The following DTNB variants were observed in gnomAD, a reference collection of about 807,000 sequenced individuals.
DTNB encodes the protein DTN-B.
A neutral mutation model predicts 90.7 loss-of-function variants in DTNB; 63 were observed. That is an observed-to-expected ratio of 0.69 (90% CI 0.57 to 0.86). DTNB has a LOEUF of 0.86. Ranked by LOEUF, DTNB falls within the 40% of genes least tolerant of loss-of-function variation. The pLI is 0.00. For missense variants in DTNB, 744 were observed against 807.1 expected (o/e 0.92, Z 0.95); for synonymous variants, 277 against 286.7 (o/e 0.97, Z 0.34).
intron 5 of DTNB, among the ~76,000 whole-genome samples, chr2:25,602,258 G>A (rs1161909784): frequency 6.6e-6 from 1 of 152,118 alleles, no homozygotes; most frequent in South Asian, 2.1e-4. Context: ...CTGAGACAAG[G>A]CTCCAGACCT....
Position 25,556,170 on chromosome 2 carries a change from C to CTTTTTTTTTTTT in DTNB, c.876+20656_876+20667dup, listed in dbSNP as rs60714399. On this transcript the variant is annotated intron_variant, in intron 8 of 20. Transcript: ENST00000406818. The stretch of plus-strand genomic sequence containing the variant: ...ATGTTTTGGTGTTTTGGCCATCTCT[C>CTTTTTTTTTTTT]TTTTTTTTTTTTTTTTTTTTTGCCA... Among the ~76,000 whole-genome samples the CTTTTTTTTTTTT allele has an allele frequency of 1.6e-4, 17 of 105,556 alleles. 1 individual carries two copies. The highest frequency in any genetic ancestry group is 1.3e-3 in the East Asian group (4 of 3,170). 69.2% of individuals were successfully genotyped at this position (105,556 alleles called of 152,430 possible). A position where few individuals can be genotyped will look rare whatever the true frequency, so the allele number is the denominator to read the frequency against.
At chr2:25,478,260 G>C (rs914074518) in intron 10 of DTNB, among the ~76,000 whole-genome samples, 1 of 152,148 alleles carries the variant, frequency 6.6e-6, no homozygotes, top group South Asian at 2.1e-4. Context: ...CCCAGGCCTG[G>C]TCCAGATGAC....
chr2:25,609,754 T>C (rs2068095418), intron 4 of DTNB, among the ~76,000 whole-genome samples: 2 of 150,246 alleles, frequency 1.3e-5, no homozygotes, highest in African/African-American at 4.9e-5. Flanking sequence ...GAGATCCTAA[T>C]TATTTGGCCT....
chr2:25,647,808 T>C (rs2079848384), intron 2 of DTNB, among the ~76,000 whole-genome samples: 1 of 148,614 alleles, frequency 6.7e-6, no homozygotes, highest in African/African-American at 2.5e-5. Flanking sequence ...TTATGAAAAA[T>C]AGTAAATATC....
At chr2:25,652,745 C>T (rs762605624) in intron 1 of DTNB, 84 bp from the exon 2 acceptor site, 19 of 1,414,778 alleles carry the variant, frequency 1.3e-5, no homozygotes, top group Non-Finnish European at 1.6e-5. Flanking sequence ...GAAGAGGGAC[C>T]GGAAACCAAG....
chr2:25,660,386 G>A (rs925962609), intron 1 of DTNB, among the ~76,000 whole-genome samples: 5 of 152,162 alleles, frequency 3.3e-5, no homozygotes, highest in South Asian at 2.1e-4. Flanking sequence ...TAAATCCATA[G>A]CAACAGAAAA....
At chr2:25,573,010 G>A (rs1438858639) in intron 8 of DTNB, among the ~76,000 whole-genome samples, 5 of 151,702 alleles carry the variant, frequency 3.3e-5, no homozygotes, top group Non-Finnish European at 5.9e-5. Flanking sequence ...GCACGATCTC[G>A]GCTCACTGCA....
chr2:25,667,907 GTGCT>G (rs1228440586), intron 1 of DTNB, among the ~76,000 whole-genome samples: 1 of 152,144 alleles, frequency 6.6e-6, no homozygotes, highest in African/African-American at 2.4e-5. Flanking sequence ...ACAAACTGTG[GTGCT>G]TCCATAAAAA....
At chr2:25,649,083 C>T (rs868297064) in intron 2 of DTNB, among the ~76,000 whole-genome samples, 59 of 145,890 alleles carry the variant, frequency 4.0e-4, no homozygotes, top group African/African-American at 1.5e-3. Flanking sequence ...TGGCTCACTG[C>T]AAGCTCCGCC....
intron 12 of DTNB, among the ~76,000 whole-genome samples, chr2:25,448,204 A>G (rs1418290116): frequency 6.6e-6 from 1 of 152,168 alleles, no homozygotes; most frequent in Non-Finnish European, 1.5e-5. Flanking sequence ...TAGTGTGATT[A>G]TTTGTTTAAT....
chr2:25,482,524 C>A (rs2065175815), intron 10 of DTNB, among the ~76,000 whole-genome samples: 1 of 152,136 alleles, frequency 6.6e-6, no homozygotes, highest in South Asian at 2.1e-4. Context: ...CTAATCTGCT[C>A]TGACACTGCC....
chr2:25,552,586 T>C (rs952479014), intron 8 of DTNB, among the ~76,000 whole-genome samples: 2 of 152,240 alleles, frequency 1.3e-5, no homozygotes, highest in African/African-American at 4.8e-5. Flanking sequence ...GCCCTGGTTC[T>C]GGACTCAGGT....
At chr2:25,619,128 T>C (rs1395719189) in intron 4 of DTNB, among the ~76,000 whole-genome samples, 2 of 152,120 alleles carry the variant, frequency 1.3e-5, no homozygotes, top group Non-Finnish European at 2.9e-5. Context: ...TAGTAGGAGT[T>C]TGCTATTCAA....
intron 6 of DTNB, among the ~76,000 whole-genome samples, chr2:25,593,772 C>T (rs953052102): frequency 1.3e-5 from 2 of 152,196 alleles, no homozygotes; most frequent in African/African-American, 2.4e-5. Context: ...ACCAGATTCT[C>T]ATCGGAATAC....
At chr2:25,444,076 C>G (rs945449495) in intron 12 of DTNB, among the ~76,000 whole-genome samples, 5 of 151,934 alleles carry the variant, frequency 3.3e-5, no homozygotes, top group Non-Finnish European at 7.4e-5. Context: ...ACCTTTCTTC[C>G]AAGTTTTCCA....
intron 8 of DTNB, chr2:25,558,196 C>T: frequency 1.0e-6 from 1 of 984,784 alleles, no homozygotes; most frequent in Middle Eastern, 5.2e-4. Context: ...ATATAACACA[C>T]ATGGATTAAA....
Position 25,387,553 on chromosome 2 carries a change from G to C in DTNB, c.1736-175C>G, listed in dbSNP as rs2039852247. 6.6e-6 allele frequency among the ~76,000 whole-genome samples: 1 copy of C among 152,152 alleles called. No homozygotes were observed. The highest frequency in any genetic ancestry group is 1.5e-5 in the Non-Finnish European group (1 of 68,010). On this transcript the variant is annotated intron_variant, in intron 17 of 20. Transcript: ENST00000406818. The surrounding 1 kb of genome is among the most constrained non-coding windows in gnomAD (Gnocchi z 4.5). Reference sequence around the variant, plus strand: ...GGCACACCGGGGGCAGGAGGCACCAGCCCACTGGTCCCTCTCCCTCTGCCC... The same window carrying C: ...GGCACACCGGGGGCAGGAGGCACCACCCCACTGGTCCCTCTCCCTCTGCCC...
At chr2:25,618,549 AAAT>A (rs2071478637) in intron 4 of DTNB, among the ~76,000 whole-genome samples, 1 of 152,214 alleles carries the variant, frequency 6.6e-6, no homozygotes, top group Admixed American at 6.5e-5. Context: ...GTTTCATCAC[AAAT>A]AATGTTACTC....
intron 3 of DTNB, among the ~76,000 whole-genome samples, chr2:25,636,264 A>G (rs889684884): frequency 6.6e-6 from 1 of 152,242 alleles, no homozygotes; most frequent in Admixed American, 6.5e-5. Context: ...TTCAACAAAA[A>G]GTAAAGGAAC....
Sources: allele counts gnomAD v4.1 joint callset (sites outside exome capture counted in the v4.1 genomes callset), GRCh38; gene constraint gnomAD v4.1.1; non-coding constraint Gnocchi (gnomAD v3.1); transcripts MANE v1.5; gene names NCBI Gene and HGNC (gene_info 2026-07-23, HGNC 2026-07-21).